MYO9A: variants seen among roughly 807,000 people sequenced by gnomAD.
The protein encoded by MYO9A is unconventional myosin-IXa.
A neutral mutation model predicts 293.3 loss-of-function variants in MYO9A; 103 were observed. The observed-to-expected ratio is 0.35, with a 90% CI of 0.30 to 0.41. The LOEUF (loss-of-function observed/expected upper bound fraction) is 0.41, where lower values mean the gene tolerates loss of function less well. Among genes scored for constraint, MYO9A ranks in the 10% least tolerant of loss-of-function variants. The pLI is 1.00. For missense variants in MYO9A, 2,685 were observed against 3,033.0 expected (o/e 0.89, Z 2.69); for synonymous variants, 1,001 against 1,035.7 (o/e 0.97, Z 0.64).
chr15:72,045,665 C>T (rs1367360115), intron 2 of MYO9A, 59 bp downstream of exon 2: 2 of 1,491,976 alleles, frequency 1.3e-6, no homozygotes, highest in African/African-American at 1.4e-5. Flanking sequence ...GGTACACCCC[C>T]CCACCTCAAA....
At chr15:71,829,418 C>T (rs990334058) in intron 40 of MYO9A, among the ~76,000 whole-genome samples, 7 of 152,082 alleles carry the variant, frequency 4.6e-5, no homozygotes, top group Non-Finnish European at 1.0e-4. Flanking sequence ...AACTATTACA[C>T]AGCACCTGTA....
Position 71,848,909 on chromosome 15 carries a change from A to ATATC in MYO9A, c.6769_6772dup (p.Ile2258ArgfsTer4). 1 of 1,612,746 alleles carries ATATC rather than the reference A, an allele frequency of 6.2e-7. No individual in the cohort carries two copies. Among genetic ancestry groups the ATATC allele is most frequent in the Non-Finnish European group, 8.5e-7 (1 of 1,179,696 alleles). ...ATTCTCAGCAAATTCCAAGCTACTG[A>ATATC]TATCTTTGAGACGAGCCTTGTATTT... On this transcript the variant is annotated frameshift_variant, in exon 39 of 42. Coordinates refer to ENST00000356056, the MANE Select transcript of MYO9A (RefSeq NM_006901.4). LOFTEE classifies it high-confidence loss of function.
At chr15:72,014,633 C>A (rs1054600510) in intron 6 of MYO9A, among the ~76,000 whole-genome samples, 1 of 151,400 alleles carries the variant, frequency 6.6e-6, no homozygotes, top group Non-Finnish European at 1.5e-5. Flanking sequence ...TTGCAGTGAG[C>A]TGATATGGTG....
At chr15:72,107,102 A>G (rs2080596235) in intron 1 of MYO9A, among the ~76,000 whole-genome samples, 1 of 152,176 alleles carries the variant, frequency 6.6e-6, no homozygotes, top group Non-Finnish European at 1.5e-5. Flanking sequence ...AGGAGGAGGA[A>G]GAAGAGTAGG....
rs748412716 is a variant in MYO9A, at chr15:71,994,476, T to A, written c.1580A>T (p.Asn527Ile). Reference protein sequence around the residue: ...ALLNSKDLEHNTKTLSIGVLD... With the variant: ...ALLNSKDLEHITKTLSIGVLD... ...AATCCAATATATCATTACCTTGGTA[T>A]TATGCTCTAAATCTTTACTATTCAG... Residue 527 changes from asparagine to isoleucine, a missense_variant, in exon 10 of 42, where the codon AAT (asparagine) becomes ATT (isoleucine). Physicochemically the swap from Asn to Ile is moderately radical, Grantham distance 149. Transcript: ENST00000356056. The A allele has an allele frequency of 5.1e-6, 8 of 1,571,452 alleles. No individual in the cohort carries two copies. Among genetic ancestry groups the A allele is most frequent in the Non-Finnish European group, 6.9e-6 (8 of 1,153,762 alleles).
In MYO9A at chr15:71,991,050, A is replaced by C; in HGVS notation, c.1722+53T>G. On this transcript the variant is annotated intron_variant, in intron 11 of 41. Transcript: ENST00000356056. Reference sequence around the variant, plus strand: ...AATGAAGTGAATTATTATGAATATGACTCAAAGATATGTGTGATGGGGGGA... The same window carrying C: ...AATGAAGTGAATTATTATGAATATGCCTCAAAGATATGTGTGATGGGGGGA... 3.6e-6 allele frequency: 5 copies of C among 1,396,052 alleles called. No individual in the cohort carries two copies. The South Asian group carries it at 8.3e-5, about 23-fold the overall frequency. The allele number at this position is 1,396,052 out of a possible 1,614,324, so 86.5% of individuals were successfully genotyped here. A position where few individuals can be genotyped will look rare whatever the true frequency, so the allele number is the denominator to read the frequency against.
intron 1 of MYO9A, among the ~76,000 whole-genome samples, chr15:72,054,207 T>C (rs917053232): frequency 6.6e-6 from 1 of 152,262 alleles, no homozygotes; most frequent in Non-Finnish European, 1.5e-5. Context: ...AGGGTTTTTT[T>C]TAGCCCTTCC....
rs28676909 is a variant in MYO9A, at chr15:71,856,390, A to C, written c.6154-1821T>G. 5.6e-3 allele frequency among the ~76,000 whole-genome samples: 855 copies of C among 152,140 alleles called. 11 individuals carry two copies. Among genetic ancestry groups the C allele is most frequent in the African/African-American group, 0.019 (809 of 41,508 alleles). On this transcript the variant is annotated intron_variant, in intron 34 of 41. Transcript: ENST00000356056. ...ATTATAAATAGATTAACTATTATGG[A>C]AACACAGAAGAGAGACAACTAGATC...
At chr15:71,994,868 G>T (rs2076652402) in intron 9 of MYO9A, among the ~76,000 whole-genome samples, 1 of 152,208 alleles carries the variant, frequency 6.6e-6, no homozygotes, top group Non-Finnish European at 1.5e-5. Flanking sequence ...ACGTAGCTGG[G>T]ATTACAGGCA....
intron 2 of MYO9A, 38 bp from the exon 3 acceptor site, chr15:72,032,626 A>G (rs1336769890): frequency 2.6e-6 from 4 of 1,525,990 alleles, no homozygotes; most frequent in Non-Finnish European, 2.6e-6. Flanking sequence ...TTCACTAAAA[A>G]AAAAAAATTT....
In MYO9A at chr15:71,847,655, T is replaced by C. The variant is rs371273817; in HGVS notation, c.6837+1190A>G. 1.3e-4 allele frequency among the ~76,000 whole-genome samples: 20 copies of C among 152,368 alleles called. No homozygotes were observed. In the East Asian group the frequency reaches 3.7e-3, roughly 28 times the overall value. On this transcript the variant is annotated intron_variant, in intron 39 of 41. Coordinates refer to ENST00000356056, the MANE Select transcript of MYO9A (RefSeq NM_006901.4). ...AGCAAAAGGCTCTTCCCTTCCTGCCTGGATAGCCACCACTAAATTGGGCCT... is the reference window on the plus strand; with the variant it reads ...AGCAAAAGGCTCTTCCCTTCCTGCCCGGATAGCCACCACTAAATTGGGCCT...
At chr15:72,089,975 T>G (rs1370141897) in intron 1 of MYO9A, among the ~76,000 whole-genome samples, 1 of 152,212 alleles carries the variant, frequency 6.6e-6, no homozygotes. Context: ...TTTGTTAAGC[T>G]GTGAGATAAC....
intron 1 of MYO9A, among the ~76,000 whole-genome samples, chr15:72,047,737 T>TA (rs1220197423): frequency 6.9e-6 from 1 of 144,426 alleles, no homozygotes; most frequent in Non-Finnish European, 1.5e-5. Context: ...GATGTGCTAT[T>TA]AAAAAAATAA....
chr15:72,076,839 A>T (rs528220498), intron 1 of MYO9A, among the ~76,000 whole-genome samples: 1 of 152,330 alleles, frequency 6.6e-6, no homozygotes, highest in Non-Finnish European at 1.5e-5. Flanking sequence ...CAAATTTACT[A>T]TAAAACTACA....
chr15:71,953,873 TTTTTGTTTTG>T (rs141349966), intron 14 of MYO9A, among the ~76,000 whole-genome samples: 193 of 147,544 alleles, frequency 1.3e-3, no homozygotes, highest in African/African-American at 2.9e-3. Flanking sequence ...ATCAACTGTT[TTTTTGTTTTG>T]TTTTGTTTTG....
At chr15:71,843,394 A>C (rs2055248224) in intron 39 of MYO9A, among the ~76,000 whole-genome samples, 1 of 152,180 alleles carries the variant, frequency 6.6e-6, no homozygotes, top group Non-Finnish European at 1.5e-5. Flanking sequence ...ATGCCATTGC[A>C]CTCCAGCCCA....
intron 1 of MYO9A, among the ~76,000 whole-genome samples, chr15:72,071,335 CCA>C (rs1467403341): frequency 6.6e-6 from 1 of 152,126 alleles, no homozygotes; most frequent in South Asian, 2.1e-4. Context: ...CAAATTAAAA[CCA>C]CAGAGATATC....
intron 18 of MYO9A, among the ~76,000 whole-genome samples, chr15:71,927,885 C>A (rs1237805012): frequency 6.7e-6 from 1 of 150,058 alleles, no homozygotes; most frequent in Non-Finnish European, 1.5e-5. Context: ...ATACTTTACT[C>A]ATTGTGTGTC....
At chr15:72,003,194 G>A (rs1488431489) in intron 8 of MYO9A, among the ~76,000 whole-genome samples, 6 of 150,960 alleles carry the variant, frequency 4.0e-5, no homozygotes, top group African/African-American at 1.5e-4. Context: ...GCTTGAACCT[G>A]GGAGGCAGAG....
Sources: allele counts gnomAD v4.1 joint callset (sites outside exome capture counted in the v4.1 genomes callset), GRCh38; gene constraint gnomAD v4.1.1; transcripts MANE v1.5; gene names NCBI Gene and HGNC (gene_info 2026-07-23, HGNC 2026-07-21).